ARHGEF10: variants seen among roughly 807,000 people sequenced by gnomAD.
The protein encoded by ARHGEF10 is Rho guanine nucleotide exchange factor (GEF) 10.
ARHGEF10 carries 140 observed loss-of-function variants against 147.4 expected under a neutral mutation model. That is an observed-to-expected ratio of 0.95 (90% CI 0.83 to 1.09). The LOEUF is 1.09. Ranked by LOEUF, ARHGEF10 falls within the 50% of genes least tolerant of loss-of-function variation. The pLI is 0.00. For synonymous variants in ARHGEF10, 902 were observed against 695.8 expected, an observed-to-expected ratio of 1.30 and a Z score of -4.67; for missense variants, 2,222 against 1,752.7, an observed-to-expected ratio of 1.27 and a Z score of -4.78.
At chr8:1,869,563 T>C (rs1048334338) in intron 7 of ARHGEF10, 1 of 476,714 alleles carries the variant, frequency 2.1e-6, no homozygotes, top group East Asian at 4.0e-5. Context: ...ATCGAATAAA[T>C]GACATCAGTG....
intron 18 of ARHGEF10, among the ~76,000 whole-genome samples, chr8:1,913,178 C>T (rs1192143266): frequency 6.6e-6 from 1 of 152,078 alleles, no homozygotes; most frequent in East Asian, 1.9e-4. Context: ...CTTTGGGAGC[C>T]TTTAGAACGG....
At chr8:1,842,849 G>T (rs554337102) in intron 1 of ARHGEF10, among the ~76,000 whole-genome samples, 1 of 152,184 alleles carries the variant, frequency 6.6e-6, no homozygotes, top group African/African-American at 2.4e-5. Context: ...ACCCAGCCTC[G>T]CCCCGAGAGG....
chr8:1,892,339 C>T (rs1585425656), intron 11 of ARHGEF10, among the ~76,000 whole-genome samples: 1 of 131,324 alleles, frequency 7.6e-6, no homozygotes, highest in Non-Finnish European at 1.6e-5. Flanking sequence ...TTAATCCCAG[C>T]GATACCTGTA....
At chr8:1,859,853 C>T in intron 3 of ARHGEF10, 44 bp from the exon 4 acceptor site, 2 of 1,611,898 alleles carry the variant, frequency 1.2e-6, no homozygotes, top group Non-Finnish European at 1.7e-6. Flanking sequence ...GCCTGCCATG[C>T]CCTTGGTGAT....
intron 26 of ARHGEF10, among the ~76,000 whole-genome samples, chr8:1,935,574 G>A (rs567089173): frequency 1.3e-4 from 20 of 152,290 alleles, no homozygotes; most frequent in Middle Eastern, 3.4e-3. Context: ...TCAGGACCGC[G>A]GGGTCTTAGG....
chr8:1,885,469 C>G (rs1808574803), intron 10 of ARHGEF10, 132 bp from the exon 11 acceptor site: 2 of 666,416 alleles, frequency 3.0e-6, no homozygotes, highest in Middle Eastern at 3.7e-4. Context: ...TTAATAATAG[C>G]TGGGTGTCAA....
At chr8:1,938,445 CAGAT>C (rs1236060682) in intron 26 of ARHGEF10, among the ~76,000 whole-genome samples, 4 of 152,104 alleles carry the variant, frequency 2.6e-5, no homozygotes, top group Non-Finnish European at 2.9e-5. Context: ...TGACTGAAGA[CAGAT>C]GGAAGGAAGG....
intron 23 of ARHGEF10, chr8:1,927,415 G>A (rs556634320): frequency 6.6e-6 from 1 of 151,972 alleles, no homozygotes; most frequent in Non-Finnish European, 1.5e-5. Flanking sequence ...CATTCTCAAA[G>A]TTGGTGGAAA....
At chr8:1,843,276 C>T (rs977752913) in intron 1 of ARHGEF10, 77 bp from the exon 2 acceptor site, 25 of 1,142,374 alleles carry the variant, frequency 2.2e-5, no homozygotes, top group South Asian at 1.3e-4. Flanking sequence ...GCGGGGTTCT[C>T]TGTCGACAGC....
intron 25 of ARHGEF10, among the ~76,000 whole-genome samples, chr8:1,931,155 C>G (rs1813109958): frequency 6.6e-6 from 1 of 152,224 alleles, no homozygotes; most frequent in Non-Finnish European, 1.5e-5. Flanking sequence ...AGGCGGAGGC[C>G]CCTCCGCATG....
intron 13 of ARHGEF10, among the ~76,000 whole-genome samples, 172 bp downstream of exon 13, chr8:1,894,744 A>T (rs923174322): frequency 6.6e-6 from 1 of 152,214 alleles, no homozygotes; most frequent in African/African-American, 2.4e-5. Flanking sequence ...GCGCTAGGGA[A>T]ATGATAAATG....
intron 27 of ARHGEF10, among the ~76,000 whole-genome samples, chr8:1,947,423 C>G (rs548202187): frequency 8.5e-5 from 13 of 152,328 alleles, no homozygotes; most frequent in Admixed American, 3.3e-4. Context: ...GTTTATCCCT[C>G]TCCGGGTGGG....
At chr8:1,868,527 G>A (rs879867613) in intron 6 of ARHGEF10, among the ~76,000 whole-genome samples, 1 of 152,218 alleles carries the variant, frequency 6.6e-6, no homozygotes, top group East Asian at 1.9e-4. Flanking sequence ...ATCTCATACA[G>A]CACGGTTTTG....
At chr8:1,919,141 G>C (rs1317789550) in intron 18 of ARHGEF10, among the ~76,000 whole-genome samples, 1 of 150,530 alleles carries the variant, frequency 6.6e-6, no homozygotes, top group Non-Finnish European at 1.5e-5. Context: ...GCTGTTCCAT[G>C]GGTGATGGAG....
chr8:1,930,953 G>A (rs1382527412), intron 25 of ARHGEF10, among the ~76,000 whole-genome samples: 1 of 152,214 alleles, frequency 6.6e-6, no homozygotes, highest in Non-Finnish European at 1.5e-5. Flanking sequence ...CCTCTCATCC[G>A]GTGGGTGCCC....
chr8:1,843,513 C>T (rs1196561023), intron 2 of ARHGEF10, 77 bp downstream of exon 2: 8 of 1,123,190 alleles, frequency 7.1e-6, no homozygotes, highest in African/African-American at 1.5e-5. Context: ...CTTCTGGAAC[C>T]ACTGAATTGC....
intron 26 of ARHGEF10, among the ~76,000 whole-genome samples, chr8:1,944,789 G>A (rs1373581216): frequency 6.6e-6 from 1 of 152,238 alleles, no homozygotes; most frequent in Non-Finnish European, 1.5e-5. Context: ...GATGGGCAAG[G>A]CGGGGGCAGT....
At chr8:1,881,973 C>T (rs1000880580) in intron 9 of ARHGEF10, among the ~76,000 whole-genome samples, 6 of 152,214 alleles carry the variant, frequency 3.9e-5, no homozygotes, top group Admixed American at 2.0e-4. Flanking sequence ...GCCTCAGACG[C>T]CCCTGAGTCT....
chr8:1,836,296 G>A (rs1231922379), intron 1 of ARHGEF10, among the ~76,000 whole-genome samples: 1 of 152,212 alleles, frequency 6.6e-6, no homozygotes, highest in Non-Finnish European at 1.5e-5. Flanking sequence ...AGCCCAGGCA[G>A]GTATGAGCTC....
Sources: allele counts gnomAD v4.1 joint callset (sites outside exome capture counted in the v4.1 genomes callset), GRCh38; gene constraint gnomAD v4.1.1; transcripts MANE v1.5; gene names NCBI Gene and HGNC (gene_info 2026-07-23, HGNC 2026-07-21).